CA12: variants seen among roughly 807,000 people sequenced by gnomAD.
The protein encoded by CA12 is carbonic anhydrase 12.
A neutral mutation model predicts 46.8 loss-of-function variants in CA12; 36 were observed. The observed-to-expected ratio is 0.77, with a 90% confidence interval of 0.59 to 1.02. The LOEUF (loss-of-function observed/expected upper bound fraction) is 1.02. CA12 is among the 50% of genes least tolerant of loss of function. The pLI, the probability that CA12 is intolerant of heterozygous loss-of-function variation, is 0.00. For synonymous variants in CA12, 202 were observed against 187.0 expected, an observed-to-expected ratio of 1.08 and a Z score of -0.65; for missense variants, 436 against 451.4, an observed-to-expected ratio of 0.97 and a Z score of 0.31.
At chr15:63,338,326 G>GTTACACTCACTGTT (rs1409450656) in intron 8 of CA12, among the ~76,000 whole-genome samples, 1 of 152,198 alleles carries the variant, frequency 6.6e-6, no homozygotes, top group Non-Finnish European at 1.5e-5. Flanking sequence ...ATGGTTGTGG[G>GTTACACTCACTGTT]TTACACTCAC....
In CA12 at chr15:63,341,780, G is replaced by A. The variant is rs116072393; in HGVS notation, c.525+222C>T. Among the ~76,000 whole-genome samples, 1,019 of 152,262 alleles carry A rather than the reference G, an allele frequency of 6.7e-3. 10 individuals carry two copies. The highest frequency in any genetic ancestry group is 0.023 in the African/African-American group (974 of 41,544). Reference sequence around the variant, plus strand: ...AGATGTTGGGGCCCGTTTTTCCAACGGACCAAAGAACATTCCCCATTTCTG... The same window carrying A: ...AGATGTTGGGGCCCGTTTTTCCAACAGACCAAAGAACATTCCCCATTTCTG... On this transcript the variant is annotated intron_variant, in intron 5 of 10. Transcript: ENST00000178638. The surrounding 1 kb of genome is among the most constrained non-coding windows in gnomAD (Gnocchi z 5.2).
intron 2 of CA12, among the ~76,000 whole-genome samples, chr15:63,375,124 T>G (rs755627906): frequency 6.6e-5 from 10 of 152,182 alleles, no homozygotes; most frequent in Non-Finnish European, 1.5e-4. Context: ...TCCTCTCGCT[T>G]CATTTAAGAC....
In CA12 at chr15:63,345,725, G is replaced by C; in HGVS notation, c.287-106C>G. ...TCCACCCCTGCTGCCACCCCCTGGAGCCCAGAGAGAGGCAGGTGGATGGAG... is the reference window on the plus strand; with the variant it reads ...TCCACCCCTGCTGCCACCCCCTGGACCCCAGAGAGAGGCAGGTGGATGGAG... On this transcript the variant is annotated intron_variant, in intron 3 of 10. Transcript: ENST00000178638. This position sits in a 1 kb window ranked among gnomAD's most constrained non-coding sequence, Gnocchi z 4.3. The C allele has an allele frequency of 1.4e-6, 2 of 1,428,388 alleles. No homozygotes were observed. The highest frequency in any genetic ancestry group is 1.9e-6 in the Non-Finnish European group (2 of 1,048,598). 88.5% of individuals were successfully genotyped at this position (1,428,388 alleles called of 1,614,324 possible). A position where few individuals can be genotyped will look rare whatever the true frequency, so the allele number is the denominator to read the frequency against.
Position 63,374,002 on chromosome 15 carries a change from C to T in CA12, c.106+1656G>A, listed in dbSNP as rs28449225. 0.028 allele frequency among the ~76,000 whole-genome samples: 4,274 copies of T among 152,222 alleles called. 183 individuals are homozygous for T. Among genetic ancestry groups the T allele is most frequent in the African/African-American group, 0.094 (3,911 of 41,494 alleles). Reference sequence around the variant, plus strand: ...CCACTGTAAACTGGATGTGAAGACACGGAACGGGGTTTCTCCACAGGCCAA... The same window carrying T: ...CCACTGTAAACTGGATGTGAAGACATGGAACGGGGTTTCTCCACAGGCCAA... On this transcript the variant is annotated intron_variant, in intron 2 of 10. Coordinates refer to ENST00000178638, the MANE Select transcript of CA12 (RefSeq NM_001218.5). This position sits in a 1 kb window ranked among gnomAD's most constrained non-coding sequence, Gnocchi z 4.4.
At chr15:63,326,497 T>A in intron 10 of CA12, 140 bp from the exon 11 acceptor site, 1 of 710,414 alleles carries the variant, frequency 1.4e-6, no homozygotes, top group Non-Finnish European at 2.6e-6. Flanking sequence ...CTGTTGGTCT[T>A]GGGAGGGAGT....
At chr15:63,375,505 G>T in intron 2 of CA12, 153 bp downstream of exon 2, 1 of 620,258 alleles carries the variant, frequency 1.6e-6, no homozygotes, top group Admixed American at 2.9e-5. Context: ...GTGTTCTTAG[G>T]AGATGCCTTT....
chr15:63,329,087 A>T lies in CA12; in HGVS notation c.875-957T>A, dbSNP rs998252381. The stretch of plus-strand genomic sequence containing the variant: ...AGCCTGCTTGGGCAGGCTCCTGTCC[A>T]TGTCCCTGGTACCTGCCTCACTTCC... On this transcript the variant is annotated intron_variant, in intron 8 of 10. Coordinates refer to ENST00000178638, the MANE Select transcript of CA12 (RefSeq NM_001218.5). The surrounding 1 kb of genome is among the most constrained non-coding windows in gnomAD (Gnocchi z 4.8). Among the ~76,000 whole-genome samples the T allele has an allele frequency of 3.9e-5, 6 of 152,228 alleles. No individual in the cohort carries two copies. The highest frequency in any genetic ancestry group is 1.4e-4 in the African/African-American group (6 of 41,468).
At chr15:63,350,798 C>T (rs1162458768) in intron 2 of CA12, among the ~76,000 whole-genome samples, 1 of 152,068 alleles carries the variant, frequency 6.6e-6, no homozygotes, top group Non-Finnish European at 1.5e-5. Flanking sequence ...TGGAATGAAC[C>T]CCATGTCACC....
In CA12 at chr15:63,346,636, C is replaced by A; in HGVS notation, c.180G>T (p.Leu60=). 6.2e-7 allele frequency: 1 copy of A among 1,613,612 alleles called. No homozygotes were observed. The highest frequency in any genetic ancestry group is 8.5e-7 in the Non-Finnish European group (1 of 1,179,864). Residue 60 remains leucine, a synonymous_variant, in exon 3 of 11, where the codon CTG becomes CTT. Transcript: ENST00000178638. The part of the protein sequence containing the change: ...CGGLLQSPID[L]HSDILQYDAS... The stretch of plus-strand genomic sequence containing the variant: ...CGTCATACTGGAGGATGTCACTGTG[C>A]AGGTCTATGGGGGACTGCAGCAGGC...
At chr15:63,364,544 A>G (rs2039414798) in intron 2 of CA12, among the ~76,000 whole-genome samples, 1 of 152,112 alleles carries the variant, frequency 6.6e-6, no homozygotes, top group African/African-American at 2.4e-5. Context: ...AAAAACACAA[A>G]TACGCAGATG....
chr15:63,358,532 C>A (rs1012928620), intron 2 of CA12, among the ~76,000 whole-genome samples: 1 of 152,178 alleles, frequency 6.6e-6, no homozygotes, highest in Non-Finnish European at 1.5e-5. Flanking sequence ...GCTGTCTCCC[C>A]TGGCTGACAA....
At chr15:63,376,557 C>CCTTTCTTTCCTTTCTTTCTTT (rs1555432629) in intron 1 of CA12, among the ~76,000 whole-genome samples, 5 of 104,526 alleles carry the variant, frequency 4.8e-5, no homozygotes, top group Non-Finnish European at 7.8e-5. Flanking sequence ...CTCTTTCTTT[C>CCTTTCTTTCCTTTCTTTCTTT]CTTTCTTTCT....
chr15:63,372,374 G>A lies in CA12; in HGVS notation c.106+3284C>T, dbSNP rs142876858. Among the ~76,000 whole-genome samples, 1,066 of 151,954 alleles carry A rather than the reference G, an allele frequency of 7.0e-3. 7 individuals carry two copies. The highest frequency in any genetic ancestry group is 0.048 in the Middle Eastern group (14 of 294). ...GGAGGGGCTCAAAGAGGTGGCGCTG[G>A]CCCCATCTTGGCAGTCAGATGGTCC... On this transcript the variant is annotated intron_variant, in intron 2 of 10. Coordinates refer to ENST00000178638, the MANE Select transcript of CA12 (RefSeq NM_001218.5). This position sits in a 1 kb window ranked among gnomAD's most constrained non-coding sequence, Gnocchi z 4.5.
Position 63,348,371 on chromosome 15 carries a change from A to G in CA12, c.107-1662T>C, listed in dbSNP as rs924567523. 6.6e-6 allele frequency among the ~76,000 whole-genome samples: 1 copy of G among 152,146 alleles called. No individual in the cohort carries two copies. Among genetic ancestry groups the G allele is most frequent in the Admixed American group, 6.5e-5 (1 of 15,274 alleles). On this transcript the variant is annotated intron_variant, in intron 2 of 10. Transcript: ENST00000178638. This position sits in a 1 kb window ranked among gnomAD's most constrained non-coding sequence, Gnocchi z 4.6. ...GAGGCTGGAGGATATCAAAGCAGGC[A>G]CTCCAGGGCCAAACTGGAGTAAGAC... is the stretch of plus-strand genomic sequence containing the variant.
intron 8 of CA12, 40 bp downstream of exon 8, chr15:63,338,779 C>G: frequency 1.2e-6 from 2 of 1,612,638 alleles, no homozygotes; most frequent in Non-Finnish European, 1.7e-6. Flanking sequence ...CTTGGCACCA[C>G]ACTCCCGCAC....
chr15:63,353,362 G>T (rs1016824548), intron 2 of CA12, among the ~76,000 whole-genome samples: 2 of 152,144 alleles, frequency 1.3e-5, no homozygotes, highest in African/African-American at 4.8e-5. Context: ...AAGCTCAGAG[G>T]CCCCGCTGCA....
Position 63,326,127 on chromosome 15 carries a change from A to C in CA12, c.*158T>G, listed in dbSNP as rs1465247627. ...ATGGCTCTGGGGTGGCCATGGTCCC[A>C]AGGCAAGGAGGCACCCAGCAGAGGA... On this transcript the variant is annotated 3_prime_UTR_variant, in exon 11 of 11. Coordinates refer to ENST00000178638, the MANE Select transcript of CA12 (RefSeq NM_001218.5). 3 of 678,966 alleles carry C rather than the reference A, an allele frequency of 4.4e-6. No homozygotes were observed. Among genetic ancestry groups the C allele is most frequent in the Non-Finnish European group, 8.1e-6 (3 of 371,918 alleles). The allele number at this position is 678,966 out of a possible 1,614,324, so 42.1% of individuals were successfully genotyped here.
In CA12 at chr15:63,340,770, T is replaced by C. The variant is rs1188056887; in HGVS notation, c.539A>G (p.Asn180Ser). ...LAVLIEMGSF[N>S]PSYDKIFSHL... ...ACTGAAGATCTTGTCATAGGACGGA[T>C]TGAAGGAGCCCATCTGCAACAGAGA... The change falls in exon 6 of 11, where the codon AAT becomes AGT. Residue 180 changes from asparagine (N) to serine (S), a missense_variant. By Grantham distance (46) the Asn-to-Ser change is conservative. Coordinates refer to ENST00000178638, the MANE Select transcript of CA12 (RefSeq NM_001218.5). This position sits in a 1 kb window ranked among gnomAD's most constrained non-coding sequence, Gnocchi z 4.4. The C allele has an allele frequency of 3.7e-6, 6 of 1,614,028 alleles. No individual in the cohort carries two copies. Among genetic ancestry groups the C allele is most frequent in the Admixed American group, 1.7e-5 (1 of 60,010 alleles).
intron 2 of CA12, among the ~76,000 whole-genome samples, chr15:63,364,722 C>G (rs1298163776): frequency 1.3e-5 from 2 of 152,208 alleles, no homozygotes; most frequent in African/African-American, 4.8e-5. Context: ...GCATATGCCT[C>G]TTCACTGTGC....
Sources: gnomAD v4.1 joint callset for allele counts (sites outside exome capture counted in the v4.1 genomes callset) on GRCh38, gnomAD v4.1.1 for gene constraint, Gnocchi (gnomAD v3.1) non-coding constraint, MANE v1.5 for transcripts, NCBI Gene and HGNC (gene_info 2026-07-23, HGNC 2026-07-21) for gene names.